The following RBPJ variants were observed in gnomAD, a reference collection of about 807,000 sequenced individuals.
RBPJ encodes the protein recombination signal binding protein for immunoglobulin kappa J region, also known as recombining binding protein suppressor of hairless.
A neutral mutation model predicts 67.8 loss-of-function variants in RBPJ; 9 were observed. The observed-to-expected ratio is 0.13, with a 90% CI of 0.08 to 0.23. RBPJ has a LOEUF of 0.23. Among genes scored for constraint, RBPJ ranks in the 10% least tolerant of loss-of-function variants. The pLI is 1.00. For synonymous variants in RBPJ, 198 were observed against 203.3 expected, an observed-to-expected ratio of 0.97 and a Z score of 0.22; for missense variants, 305 against 595.6, an observed-to-expected ratio of 0.51 and a Z score of 5.08.
intron 1 of RBPJ, among the ~76,000 whole-genome samples, chr4:26,243,025 G>C (rs1409059105): frequency 6.6e-6 from 1 of 152,006 alleles, no homozygotes; most frequent in Non-Finnish European, 1.5e-5. Flanking sequence ...TTGGGCGTTC[G>C]AGACCAGCCT....
At chr4:26,372,128 GC>G (rs1729220007) in intron 1 of RBPJ, among the ~76,000 whole-genome samples, 1 of 152,186 alleles carries the variant, frequency 6.6e-6, no homozygotes, top group South Asian at 2.1e-4. Context: ...GCTATATGAA[GC>G]CAGTTGAGGA....
At chr4:26,372,237 G>A (rs1194533405) in intron 1 of RBPJ, among the ~76,000 whole-genome samples, 1 of 152,210 alleles carries the variant, frequency 6.6e-6, no homozygotes. Context: ...GATGGAATTT[G>A]TTAGTGAACT....
chr4:26,306,524 A>G (rs1219671121), intron 1 of RBPJ, among the ~76,000 whole-genome samples: 1 of 151,888 alleles, frequency 6.6e-6, no homozygotes, highest in Admixed American at 6.6e-5. Context: ...ATCTCCGCTC[A>G]CTGCAACCTC....
At chr4:26,395,119 G>A (rs575864601) in intron 2 of RBPJ, among the ~76,000 whole-genome samples, 2 of 152,242 alleles carry the variant, frequency 1.3e-5, no homozygotes, top group Admixed American at 1.3e-4. Context: ...TGCTTTGAAG[G>A]TTGCCTCAGA....
chr4:26,334,345 C>T (rs1724579902), intron 1 of RBPJ, among the ~76,000 whole-genome samples: 1 of 151,604 alleles, frequency 6.6e-6, no homozygotes, highest in Admixed American at 6.6e-5. Context: ...CCTGGCCCAA[C>T]TTTTCTGCTT....
chr4:26,220,039 TC>T (rs1718852108), intron 1 of RBPJ, among the ~76,000 whole-genome samples: 1 of 152,026 alleles, frequency 6.6e-6, no homozygotes, highest in Non-Finnish European at 1.5e-5. Flanking sequence ...CGCCTTGGCC[TC>T]CCGAAGTGCT....
At chr4:26,114,884 T>A in the RBPJ span, among the ~76,000 whole-genome samples, 1 of 152,204 alleles carries the variant, frequency 6.6e-6, no homozygotes, top group Non-Finnish European at 1.5e-5. Flanking sequence ...TTATTTAAAA[T>A]ACACAAACTT....
chr4:26,126,032 T>A, the RBPJ span, among the ~76,000 whole-genome samples: 1 of 152,162 alleles, frequency 6.6e-6, no homozygotes, highest in Non-Finnish European at 1.5e-5. Flanking sequence ...GCTCCAACCT[T>A]ACATCTAGAT....
intron 1 of RBPJ, among the ~76,000 whole-genome samples, chr4:26,230,948 C>T (rs772397358): frequency 6.6e-6 from 1 of 152,112 alleles, no homozygotes; most frequent in African/African-American, 2.4e-5. Flanking sequence ...TAGCACGTCA[C>T]CCAGAGATAA....
chr4:26,318,556 G>A (rs1020791215), upstream of RBPJ, among the ~76,000 whole-genome samples: 12 of 152,200 alleles, frequency 7.9e-5, no homozygotes, highest in Non-Finnish European at 1.6e-4. Flanking sequence ...AGGCTAAGAA[G>A]AGACTGACAA....
Position 26,430,223 on chromosome 4 carries a change from G to C in RBPJ, c.1044+170G>C. On this transcript the variant is annotated intron_variant, in intron 9 of 10. Coordinates refer to ENST00000355476, the MANE Select transcript of RBPJ (RefSeq NM_015874.6). The surrounding 1 kb of genome is among the most constrained non-coding windows in gnomAD (Gnocchi z 4.1). ...AGAAAAAAAAACAAAATTAGGAGGAGCGTACTTGCCAGAAAATTTAAATGT... is the reference window on the plus strand; with the variant it reads ...AGAAAAAAAAACAAAATTAGGAGGACCGTACTTGCCAGAAAATTTAAATGT... 3.4e-6 allele frequency: 3 copies of C among 884,928 alleles called. No individual in the cohort carries two copies. The South Asian group carries it at 4.8e-5, about 14-fold the overall frequency. 54.8% of individuals were successfully genotyped at this position (884,928 alleles called of 1,614,324 possible).
At chr4:26,319,550 A>C, upstream of RBPJ, 1 of 393,802 alleles carries the variant, frequency 2.5e-6, no homozygotes, top group Non-Finnish European at 4.7e-6. Flanking sequence ...GTCTAGGCAA[A>C]CACCTGTCCT....
chr4:26,257,475 C>A (rs1476497069), intron 1 of RBPJ, among the ~76,000 whole-genome samples: 3 of 152,220 alleles, frequency 2.0e-5, no homozygotes, highest in Admixed American at 2.0e-4. Context: ...ATTAAAAATA[C>A]AAAATTTGCC....
chr4:26,328,056 G>A (rs79259276), intron 1 of RBPJ, among the ~76,000 whole-genome samples: 1 of 151,486 alleles, frequency 6.6e-6, no homozygotes, highest in Non-Finnish European at 1.5e-5. Context: ...TTCCCTTTTG[G>A]AAAACTGCAG....
At chr4:26,411,009 G>GCT (rs1283384215) in intron 3 of RBPJ, among the ~76,000 whole-genome samples, 2 of 152,334 alleles carry the variant, frequency 1.3e-5, no homozygotes, top group African/African-American at 2.4e-5. Flanking sequence ...AATTCTGTAA[G>GCT]CTAACCACTT....
intron 1 of RBPJ, among the ~76,000 whole-genome samples, chr4:26,298,955 G>A (rs1300806619): frequency 1.3e-5 from 2 of 152,000 alleles, no homozygotes; most frequent in South Asian, 2.1e-4. Flanking sequence ...TAAAATTTAC[G>A]CTTCAAAGAA....
At chr4:26,134,004 A>G in the RBPJ span, among the ~76,000 whole-genome samples, 1 of 152,024 alleles carries the variant, frequency 6.6e-6, no homozygotes, top group African/African-American at 2.4e-5. Flanking sequence ...TCCCTACCCT[A>G]AAGTTGAATA....
Position 26,337,420 on chromosome 4 carries a change from A to G in RBPJ, c.20+16372A>G, listed in dbSNP as rs140280832. 6.2e-3 allele frequency among the ~76,000 whole-genome samples: 945 copies of G among 151,756 alleles called. 4 individuals are homozygous for G. Among genetic ancestry groups the G allele is most frequent in the African/African-American group, 0.012 (478 of 41,332 alleles). On this transcript the variant is annotated intron_variant, in intron 1 of 10. Transcript: ENST00000355476. ...TTGAATTATACCAATTCAGCAGCAT[A>G]TTGTTCTTCTTGTTGCTTGGGTGGT...
the RBPJ span, among the ~76,000 whole-genome samples, chr4:26,146,240 C>A: frequency 6.6e-6 from 1 of 152,304 alleles, no homozygotes; most frequent in East Asian, 1.9e-4. Context: ...AGCCAGTGCA[C>A]CCAGCCTTGG....
Sources: allele counts gnomAD v4.1 joint callset (sites outside exome capture counted in the v4.1 genomes callset), GRCh38; gene constraint gnomAD v4.1.1; non-coding constraint Gnocchi (gnomAD v3.1); transcripts MANE v1.5; gene names NCBI Gene and HGNC (gene_info 2026-07-23, HGNC 2026-07-21).